The following WASF2 variants were observed in gnomAD, a reference collection of about 807,000 sequenced individuals.
The protein encoded by WASF2 is WASP family member 2, also known as actin-binding protein WASF2.
A neutral mutation model predicts 45.0 loss-of-function variants in WASF2; 14 were observed. The ratio of observed to expected loss-of-function variants is 0.31; its 90% CI spans 0.21 to 0.49. The LOEUF (loss-of-function observed/expected upper bound fraction) is 0.49. Among genes scored for constraint, WASF2 ranks in the 20% least tolerant of loss-of-function variants. The probability of loss-of-function intolerance (pLI) is 0.99; values close to 1 mark genes in which losing one functional copy is unlikely to be tolerated. For synonymous variants in WASF2, 200 were observed against 236.3 expected (o/e 0.85, Z 1.41); for missense variants, 439 against 636.1 (o/e 0.69, Z 3.33).
chr1:27,413,696 C>A (rs1189083438), intron 6 of WASF2, among the ~76,000 whole-genome samples: 1 of 152,156 alleles, frequency 6.6e-6, no homozygotes, highest in Admixed American at 6.5e-5. Flanking sequence ...CCTCATCTTC[C>A]TACTCCACAA....
chr1:27,454,187 A>ATTTTTTTTTTTTT (rs869057863), intron 1 of WASF2, among the ~76,000 whole-genome samples: 1 of 12,774 alleles, frequency 7.8e-5, no homozygotes, highest in African/African-American at 2.1e-4. Context: ...ATATATATAT[A>ATTTTTTTTTTTTT]TTTTTTTTTT....
chr1:27,477,033 G>GC (rs1410358708), intron 1 of WASF2, among the ~76,000 whole-genome samples: 5 of 152,244 alleles, frequency 3.3e-5, no homozygotes, highest in Non-Finnish European at 5.9e-5. Flanking sequence ...CTACAAAAAG[G>GC]CAACAAAATA....
chr1:27,419,943 C>T (rs1468489299), intron 2 of WASF2, among the ~76,000 whole-genome samples: 1 of 152,002 alleles, frequency 6.6e-6, no homozygotes, highest in African/African-American at 2.4e-5. Flanking sequence ...TTCCCTCTGT[C>T]ACCCAGGCTG....
At chr1:27,447,654 G>T (rs377185353) in intron 1 of WASF2, among the ~76,000 whole-genome samples, 1 of 152,136 alleles carries the variant, frequency 6.6e-6, no homozygotes, top group Non-Finnish European at 1.5e-5. Context: ...AATGGATTCC[G>T]AACAGTCACG....
intron 1 of WASF2, among the ~76,000 whole-genome samples, chr1:27,436,314 C>T (rs2017137473): frequency 6.6e-6 from 1 of 151,972 alleles, no homozygotes; most frequent in South Asian, 2.1e-4. Flanking sequence ...GGTGTAGTGG[C>T]ATGCGGCTGT....
intron 1 of WASF2, among the ~76,000 whole-genome samples, chr1:27,479,685 T>A (rs909130295): frequency 1.3e-4 from 20 of 152,074 alleles, no homozygotes; most frequent in African/African-American, 3.9e-4. Flanking sequence ...GCCAATATGG[T>A]GAAACCCCGT....
intron 1 of WASF2, among the ~76,000 whole-genome samples, chr1:27,439,694 T>C (rs1053381633): frequency 6.6e-6 from 1 of 152,182 alleles, no homozygotes; most frequent in African/African-American, 2.4e-5. Context: ...ACAGACTCCT[T>C]GGAACCTTAA....
At chr1:27,488,453 T>C (rs945303125) in intron 1 of WASF2, among the ~76,000 whole-genome samples, 10 of 152,308 alleles carry the variant, frequency 6.6e-5, no homozygotes, top group Admixed American at 5.2e-4. Context: ...CAAGAAAATG[T>C]GGCCCTCTGA....
chr1:27,415,985 C>T lies in WASF2; in HGVS notation c.537G>A (p.Arg179=). 6.2e-7 allele frequency: 1 copy of T among 1,613,246 alleles called. No homozygotes were observed. The highest frequency in any genetic ancestry group is 8.5e-7 in the Non-Finnish European group (1 of 1,179,252). The change falls in exon 5 of 9, where the codon AGG becomes AGA. Residue 179 remains arginine (R), a splice_region_variant and synonymous_variant. Coordinates refer to ENST00000618852, the MANE Select transcript of WASF2 (RefSeq NM_006990.5). The part of the protein sequence containing the change: ...KDIMKEKRKH[R]KEKKDNPNRG... Reference sequence around the variant, plus strand: ...AGAACAGAGGCCCCTTTCCCCTCACCCTATGCTTTCTCTTCTCTTTCATGA... The same window carrying T: ...AGAACAGAGGCCCCTTTCCCCTCACTCTATGCTTTCTCTTCTCTTTCATGA...
intron 1 of WASF2, among the ~76,000 whole-genome samples, chr1:27,444,299 C>T (rs527348123): frequency 6.6e-6 from 1 of 152,106 alleles, no homozygotes; most frequent in Non-Finnish European, 1.5e-5. Flanking sequence ...TGGTTGGTCT[C>T]AAACTCCTGA....
intron 3 of WASF2, 87 bp downstream of exon 3, chr1:27,418,865 ACG>A: frequency 7.7e-7 from 1 of 1,298,048 alleles, no homozygotes; most frequent in Non-Finnish European, 1.1e-6. Flanking sequence ...TTCTCTCCTC[ACG>A]TTTTTTTTTT....
At chr1:27,449,237 G>A (rs1412905031) in intron 1 of WASF2, among the ~76,000 whole-genome samples, 1 of 152,144 alleles carries the variant, frequency 6.6e-6, no homozygotes, top group Non-Finnish European at 1.5e-5. Flanking sequence ...AGTTCTCTGA[G>A]GCTGCTATGA....
At chr1:27,477,455 A>G (rs1413202211) in intron 1 of WASF2, among the ~76,000 whole-genome samples, 6 of 152,158 alleles carry the variant, frequency 3.9e-5, no homozygotes, top group African/African-American at 1.4e-4. Flanking sequence ...CAGAAGAATC[A>G]CTTGAACCAG....
chr1:27,489,678 G>A (rs907499963), intron 1 of WASF2, among the ~76,000 whole-genome samples: 1 of 152,202 alleles, frequency 6.6e-6, no homozygotes, highest in Admixed American at 6.5e-5. Context: ...GCCTAGAGAG[G>A]AAAGTGACTT....
In WASF2 at chr1:27,407,960, C is replaced by T; in HGVS notation, c.*229G>A. The T allele has an allele frequency of 4.3e-6, 2 of 466,276 alleles. No homozygotes were observed. Among genetic ancestry groups the T allele is most frequent in the Non-Finnish European group, 7.6e-6 (2 of 264,252 alleles). The allele number at this position is 466,276 out of a possible 1,614,324, so 28.9% of individuals were successfully genotyped here. A position where few individuals can be genotyped will look rare whatever the true frequency, so the allele number is the denominator to read the frequency against. The stretch of plus-strand genomic sequence containing the variant: ...GGCACTTGAAGGAAAGAGGGAACAT[C>T]CCAGCTACTGAACCTCAGGAGCCCC... On this transcript the variant is annotated 3_prime_UTR_variant, in exon 9 of 9. Transcript: ENST00000618852.
chr1:27,426,058 C>T (rs2016976550), intron 2 of WASF2, among the ~76,000 whole-genome samples: 1 of 151,962 alleles, frequency 6.6e-6, no homozygotes. Context: ...AAATGGAAGA[C>T]AGACTGTAGA....
chr1:27,481,473 C>A (rs1340507439), intron 1 of WASF2, among the ~76,000 whole-genome samples: 1 of 152,060 alleles, frequency 6.6e-6, no homozygotes, highest in Admixed American at 6.6e-5. Context: ...CAGAGGTGGG[C>A]AGATCACTTG....
At chr1:27,431,886 G>A (rs866042241) in intron 1 of WASF2, among the ~76,000 whole-genome samples, 6 of 152,210 alleles carry the variant, frequency 3.9e-5, no homozygotes, top group South Asian at 2.1e-4. Flanking sequence ...CACAACCAGC[G>A]GGAGGGTACT....
At chr1:27,487,766 T>C (rs1160987468) in intron 1 of WASF2, among the ~76,000 whole-genome samples, 2 of 133,100 alleles carry the variant, frequency 1.5e-5, no homozygotes, top group Admixed American at 9.1e-5. Context: ...GTATATTATA[T>C]ATTATATATT....
Sources: gnomAD v4.1 joint callset for allele counts (sites outside exome capture counted in the v4.1 genomes callset) on GRCh38, gnomAD v4.1.1 for gene constraint, MANE v1.5 for transcripts, NCBI Gene and HGNC (gene_info 2026-07-23, HGNC 2026-07-21) for gene names.